The following TBC1D22A variants were observed in gnomAD, a reference collection of about 807,000 sequenced individuals.
TBC1D22A encodes the protein TBC1 domain family member 22A, also known as putative GTPase activator.
Under a neutral mutation model 60.2 loss-of-function variants are expected in TBC1D22A, and 38 were observed. The ratio of observed to expected loss-of-function variants is 0.63; its 90% confidence interval spans 0.49 to 0.83. The LOEUF (loss-of-function observed/expected upper bound fraction) is 0.83, where lower values mean the gene tolerates loss of function less well. TBC1D22A is among the 40% of genes least tolerant of loss of function. The pLI, the probability that TBC1D22A is intolerant of heterozygous loss-of-function variation, is 0.00. For missense variants in TBC1D22A, 628 were observed against 701.0 expected, an observed-to-expected ratio of 0.90 and a Z score of 1.18; for synonymous variants, 302 against 281.7, an observed-to-expected ratio of 1.07 and a Z score of -0.72.
chr22:47,140,956 A>G (rs2067061888), intron 12 of TBC1D22A, among the ~76,000 whole-genome samples: 1 of 152,258 alleles, frequency 6.6e-6, no homozygotes, highest in African/African-American at 2.4e-5. Context: ...CTGGCTTGTT[A>G]GCATGTATGT....
intron 5 of TBC1D22A, among the ~76,000 whole-genome samples, chr22:46,890,786 G>A (rs536002550): frequency 2.0e-4 from 30 of 152,218 alleles, no homozygotes; most frequent in Non-Finnish European, 4.4e-4. Context: ...GCATAAGTGA[G>A]AGTACGTACA....
intron 10 of TBC1D22A, among the ~76,000 whole-genome samples, chr22:47,019,248 C>A (rs1428113123): frequency 6.6e-6 from 1 of 152,248 alleles, no homozygotes; most frequent in African/African-American, 2.4e-5. Flanking sequence ...GTGCCTCCTA[C>A]TCCCTCCCAG....
intron 5 of TBC1D22A, among the ~76,000 whole-genome samples, chr22:46,890,412 CAATT>C (rs1342420634): frequency 6.6e-6 from 1 of 152,050 alleles, no homozygotes; most frequent in East Asian, 1.9e-4. Flanking sequence ...CACAGTATAA[CAATT>C]ACTTACATAG....
chr22:46,790,181 C>T (rs542668037), intron 1 of TBC1D22A, among the ~76,000 whole-genome samples: 2 of 152,342 alleles, frequency 1.3e-5, no homozygotes, highest in East Asian at 1.9e-4. Context: ...CAGGGGAGAG[C>T]GTTTTCCCTG....
intron 8 of TBC1D22A, among the ~76,000 whole-genome samples, chr22:46,919,032 T>C (rs999656641): frequency 1.3e-5 from 2 of 152,176 alleles, no homozygotes; most frequent in African/African-American, 4.8e-5. Context: ...TTTACCCACT[T>C]AGAGTGTAAA....
intron 1 of TBC1D22A, 105 bp downstream of exon 1, chr22:46,762,953 T>C (rs2083151894): frequency 5.5e-6 from 6 of 1,097,942 alleles, no homozygotes; most frequent in African/African-American, 3.4e-5. Flanking sequence ...AGAGGGCAAC[T>C]TGGACTCTGA....
chr22:46,863,324 C>T (rs986581082), intron 4 of TBC1D22A, among the ~76,000 whole-genome samples: 2 of 152,098 alleles, frequency 1.3e-5, no homozygotes, highest in Non-Finnish European at 2.9e-5. Flanking sequence ...CGGAGGAAAG[C>T]GGGAGGGGCA....
intron 1 of TBC1D22A, among the ~76,000 whole-genome samples, chr22:46,780,418 T>G (rs900235994): frequency 2.6e-5 from 4 of 151,832 alleles, no homozygotes; most frequent in African/African-American, 9.7e-5. Context: ...TATTTTCACC[T>G]ACTGCTGTTT....
intron 1 of TBC1D22A, among the ~76,000 whole-genome samples, chr22:46,771,021 A>G (rs1479219696): frequency 2.0e-5 from 3 of 152,160 alleles, no homozygotes; most frequent in Non-Finnish European, 2.9e-5. Flanking sequence ...TTCAGCGGTT[A>G]CTTTCCATGT....
chr22:47,011,587 G>A (rs950582913), intron 10 of TBC1D22A, among the ~76,000 whole-genome samples: 1 of 152,196 alleles, frequency 6.6e-6, no homozygotes, highest in Non-Finnish European at 1.5e-5. Flanking sequence ...CAGCCTGCAC[G>A]TTAGGGCTCC....
chr22:46,947,336 A>G (rs2072610456), intron 8 of TBC1D22A, among the ~76,000 whole-genome samples: 2 of 152,002 alleles, frequency 1.3e-5, no homozygotes, highest in African/African-American at 4.8e-5. Context: ...AGTCAGGGTC[A>G]TCCGAGTAGA....
At chr22:47,047,474 A>G (rs131909) in intron 11 of TBC1D22A, among the ~76,000 whole-genome samples, 104,814 of 152,128 alleles carry the variant, frequency 0.69, 36,667 homozygotes, top group East Asian at 0.92. Context: ...AAGGCACCAA[A>G]CCTTCAGCAC....
At chr22:46,897,629 TGTTTC>T (rs1221181658) in intron 7 of TBC1D22A, among the ~76,000 whole-genome samples, 93 of 146,176 alleles carry the variant, frequency 6.4e-4, no homozygotes, top group African/African-American at 2.2e-3. Context: ...TTTTTTGTTT[TGTTTC>T]GTTTTGTTTT....
At chr22:47,124,753 GC>G (rs2066393552) in intron 12 of TBC1D22A, among the ~76,000 whole-genome samples, 1 of 152,092 alleles carries the variant, frequency 6.6e-6, no homozygotes, top group Admixed American at 6.5e-5. Context: ...GCCTTCAGGA[GC>G]AGTGAGGGGC....
intron 8 of TBC1D22A, among the ~76,000 whole-genome samples, chr22:46,958,092 G>A (rs1046664636): frequency 2.6e-4 from 40 of 152,256 alleles, no homozygotes; most frequent in African/African-American, 9.6e-4. Context: ...CTGCAGGTCG[G>A]GGAGCAGTTA....
chr22:47,109,585 C>A (rs990487473), intron 11 of TBC1D22A, among the ~76,000 whole-genome samples: 1 of 152,132 alleles, frequency 6.6e-6, no homozygotes, highest in African/African-American at 2.4e-5. Context: ...CACCAGGATC[C>A]CCAAGTGTCT....
Position 46,926,894 on chromosome 22 carries a change from T to G in TBC1D22A, c.1015+14706T>G, listed in dbSNP as rs190714045. Among the ~76,000 whole-genome samples the G allele has an allele frequency of 1.3e-3, 194 of 152,302 alleles. 1 individual carries two copies. The highest frequency in any genetic ancestry group is 5.3e-3 in the Admixed American group (81 of 15,296). ...CAATTTAAAATTAACAATGAACTAA[T>G]TTTCATCAATAATTTAAATAATGTT... On this transcript the variant is annotated intron_variant, in intron 8 of 12. Coordinates refer to ENST00000337137, the MANE Select transcript of TBC1D22A (RefSeq NM_014346.5).
At chr22:46,872,392 A>T (rs963665938) in intron 4 of TBC1D22A, among the ~76,000 whole-genome samples, 1 of 152,230 alleles carries the variant, frequency 6.6e-6, no homozygotes, top group Non-Finnish European at 1.5e-5. Flanking sequence ...ATTTATGATG[A>T]ATATAGACAA....
At chr22:47,101,754 G>GCC (rs2065426308) in intron 11 of TBC1D22A, among the ~76,000 whole-genome samples, 3 of 152,210 alleles carry the variant, frequency 2.0e-5, no homozygotes, top group Non-Finnish European at 2.9e-5. Flanking sequence ...GGTGGATGGG[G>GCC]CCTCATATGC....
Sources: gnomAD v4.1 joint callset for allele counts (sites outside exome capture counted in the v4.1 genomes callset) on GRCh38, gnomAD v4.1.1 for gene constraint, MANE v1.5 for transcripts, NCBI Gene and HGNC (gene_info 2026-07-23, HGNC 2026-07-21) for gene names.